The following PALS1 variants were observed in gnomAD, a reference collection of about 807,000 sequenced individuals.
PALS1 encodes the protein protein associated with LIN7 1, MAGUK p55 family member, also known as protein PALS1.
Under a neutral mutation model 78.9 loss-of-function variants are expected in PALS1, and 31 were observed. That is an observed-to-expected ratio of 0.39 (90% CI 0.30 to 0.53). The LOEUF is 0.53. PALS1 is among the 20% of genes least tolerant of loss of function. The probability of loss-of-function intolerance (pLI) is 0.67; values close to 1 mark genes in which losing one functional copy is unlikely to be tolerated. For missense variants in PALS1, 704 were observed against 826.5 expected (o/e 0.85, Z 1.82); for synonymous variants, 276 against 270.9 (o/e 1.02, Z -0.18).
chr14:67,241,555 G>A, intron 1 of PALS1, 22 bp downstream of exon 1: 1 of 153,196 alleles, frequency 6.5e-6, no homozygotes. Context: ...ATCGGCGGCG[G>A]CTGGGCTGTA....
chr14:67,308,194 A>G (rs868170731), intron 8 of PALS1, among the ~76,000 whole-genome samples: 8 of 151,624 alleles, frequency 5.3e-5, no homozygotes, highest in South Asian at 4.2e-4. Context: ...AAGTTTACCT[A>G]TGTAACAAAC....
intron 3 of PALS1, among the ~76,000 whole-genome samples, chr14:67,291,541 C>T (rs1176073987): frequency 6.6e-6 from 1 of 152,142 alleles, no homozygotes; most frequent in Admixed American, 6.5e-5. Flanking sequence ...TCTGGGCCTC[C>T]CAGAGTGCTG....
rs571382985 is a variant in PALS1, at chr14:67,251,493, A to G, written c.-237+9960A>G. Among the ~76,000 whole-genome samples, 11 of 152,282 alleles carry G rather than the reference A, an allele frequency of 7.2e-5. No homozygotes were observed. The East Asian group carries it at 2.1e-3, about 29-fold the overall frequency. ...GGCTGCAGTGAACCATGATGGCACC[A>G]TTGCACTTCAGCCTGGTCAACAGCA... On this transcript the variant is annotated intron_variant, in intron 1 of 14. Coordinates refer to ENST00000261681, the MANE Select transcript of PALS1 (RefSeq NM_022474.4).
chr14:67,264,291 T>C (rs2084284541), intron 1 of PALS1, among the ~76,000 whole-genome samples: 1 of 152,246 alleles, frequency 6.6e-6, no homozygotes, highest in South Asian at 2.1e-4. Context: ...ATTTAACATA[T>C]GTAGCACAGT....
chr14:67,313,124 G>T (rs544502216), intron 9 of PALS1, among the ~76,000 whole-genome samples: 3 of 152,098 alleles, frequency 2.0e-5, no homozygotes, highest in African/African-American at 7.2e-5. Flanking sequence ...TGTACCAAAC[G>T]TGATCTTAGG....
At chr14:67,283,975 T>C (rs916536309) in intron 3 of PALS1, among the ~76,000 whole-genome samples, 6 of 152,180 alleles carry the variant, frequency 3.9e-5, no homozygotes, top group African/African-American at 9.7e-5. Flanking sequence ...GAGTCAAAAC[T>C]GAGTTTAAAT....
chr14:67,309,090 T>C (rs1288733377), intron 8 of PALS1, among the ~76,000 whole-genome samples: 2 of 152,198 alleles, frequency 1.3e-5, no homozygotes. Context: ...GAAGATTTTG[T>C]TTTGTTCAGA....
At chr14:67,264,038 A>G (rs147865044) in intron 1 of PALS1, among the ~76,000 whole-genome samples, 1 of 152,126 alleles carries the variant, frequency 6.6e-6, no homozygotes, top group African/African-American at 2.4e-5. Context: ...AGCACCTGGG[A>G]CTACAGGTGC....
intron 1 of PALS1, among the ~76,000 whole-genome samples, chr14:67,262,457 ACT>A (rs1453352844): frequency 1.3e-5 from 2 of 151,952 alleles, no homozygotes; most frequent in Middle Eastern, 3.2e-3. Context: ...GTATTTTAAA[ACT>A]CTGTTTGGCT....
chr14:67,284,473 G>T (rs2084649493), intron 3 of PALS1, among the ~76,000 whole-genome samples: 1 of 125,724 alleles, frequency 8.0e-6, no homozygotes, highest in African/African-American at 3.1e-5. Flanking sequence ...TGCTTCTGTA[G>T]TCCCAGCATA....
chr14:67,245,306 T>C (rs558513397), intron 1 of PALS1, among the ~76,000 whole-genome samples: 51 of 152,300 alleles, frequency 3.3e-4, no homozygotes, highest in African/African-American at 1.2e-3. Context: ...TACATTCCTG[T>C]CAGCACTTGG....
At chr14:67,300,678 C>T (rs1303431414) in intron 4 of PALS1, among the ~76,000 whole-genome samples, 2 of 151,662 alleles carry the variant, frequency 1.3e-5, no homozygotes, top group Non-Finnish European at 2.9e-5. Context: ...ATAGTAGGTG[C>T]CATTCTAAAG....
intron 1 of PALS1, among the ~76,000 whole-genome samples, chr14:67,269,363 T>C (rs576454607): frequency 1.2e-4 from 19 of 152,002 alleles, no homozygotes; most frequent in Admixed American, 1.2e-3. Flanking sequence ...AGATGTATGA[T>C]TTTATTTCTC....
chr14:67,255,871 G>C (rs559625131), intron 1 of PALS1, among the ~76,000 whole-genome samples: 2 of 152,290 alleles, frequency 1.3e-5, no homozygotes, highest in Admixed American at 1.3e-4. Flanking sequence ...ATTTTTAGTA[G>C]AGACGGGGTT....
chr14:67,324,988 T>G (rs1469475963), intron 14 of PALS1, among the ~76,000 whole-genome samples: 1 of 137,614 alleles, frequency 7.3e-6, no homozygotes, highest in African/African-American at 2.8e-5. Context: ...GACTGCAAGC[T>G]CCGCCTCCCA....
At chr14:67,251,336 C>G (rs2084060060) in intron 1 of PALS1, among the ~76,000 whole-genome samples, 1 of 152,128 alleles carries the variant, frequency 6.6e-6, no homozygotes, top group Non-Finnish European at 1.5e-5. Flanking sequence ...AGTTTGAGAC[C>G]AACCTGGGCA....
chr14:67,326,336 C>T (rs1483440701), intron 14 of PALS1, among the ~76,000 whole-genome samples: 1 of 140,576 alleles, frequency 7.1e-6, no homozygotes, highest in South Asian at 2.3e-4. Flanking sequence ...AGTCAAGTGA[C>T]CCTCCCGTCT....
At chr14:67,315,919 C>T (rs556424041) in intron 9 of PALS1, among the ~76,000 whole-genome samples, 2 of 152,336 alleles carry the variant, frequency 1.3e-5, no homozygotes, top group South Asian at 2.1e-4. Flanking sequence ...AGCGAGACTT[C>T]GTCTCAAAAG....
At chr14:67,273,367 G>A (rs941673836) in intron 2 of PALS1, among the ~76,000 whole-genome samples, 4 of 150,604 alleles carry the variant, frequency 2.7e-5, no homozygotes, top group African/African-American at 9.8e-5. Context: ...GTGAGAACAT[G>A]CAGTGTTTGG....
Sources: allele counts gnomAD v4.1 joint callset (sites outside exome capture counted in the v4.1 genomes callset), GRCh38; gene constraint gnomAD v4.1.1; transcripts MANE v1.5; gene names NCBI Gene and HGNC (gene_info 2026-07-23, HGNC 2026-07-21).